TTC23: variants seen among roughly 807,000 people sequenced by gnomAD.
The protein encoded by TTC23 is tetratricopeptide repeat protein 23.
In TTC23, 58 loss-of-function variants were observed where a neutral mutation model predicts 55.1. That is an observed-to-expected ratio of 1.05 (90% CI 0.85 to 1.31). The LOEUF is 1.31. TTC23 is among the 50% of genes most tolerant of loss of function. The probability of loss-of-function intolerance (pLI) is 0.00; values close to 1 mark genes in which losing one functional copy is unlikely to be tolerated. For synonymous variants in TTC23, 203 were observed against 199.9 expected (o/e 1.02, Z -0.13); for missense variants, 516 against 534.4 (o/e 0.97, Z 0.34).
At chr15:99,229,076 G>T (rs560912695) in intron 4 of TTC23, among the ~76,000 whole-genome samples, 14 of 148,496 alleles carry the variant, frequency 9.4e-5, no homozygotes, top group Admixed American at 2.1e-4. Flanking sequence ...ATATGTATTT[G>T]TATGTACATA....
intron 9 of TTC23, among the ~76,000 whole-genome samples, chr15:99,190,135 G>A (rs1360788162): frequency 6.6e-6 from 1 of 151,944 alleles, no homozygotes; most frequent in African/African-American, 2.4e-5. Flanking sequence ...AGCTGTGTTT[G>A]CGCCGCTACA....
chr15:99,139,077 T>C, intron 13 of TTC23: 1 of 576,440 alleles, frequency 1.7e-6, no homozygotes, highest in South Asian at 1.8e-5. Context: ...GGGGCTGGTC[T>C]GCAGGAAGAC....
intron 6 of TTC23, among the ~76,000 whole-genome samples, chr15:99,219,349 T>C (rs968716838): frequency 3.3e-5 from 5 of 152,154 alleles, no homozygotes; most frequent in Non-Finnish European, 2.9e-5. Context: ...CATATAATTA[T>C]AAGAAACAAA....
At chr15:99,197,138 C>T (rs1233142823) in intron 9 of TTC23, among the ~76,000 whole-genome samples, 6 of 151,556 alleles carry the variant, frequency 4.0e-5, no homozygotes, top group Non-Finnish European at 7.4e-5. Flanking sequence ...AGTCACGCTC[C>T]AACGCCCAGG....
chr15:99,139,813 G>T (rs920949359), intron 12 of TTC23: 3 of 1,179,134 alleles, frequency 2.5e-6, no homozygotes, highest in Admixed American at 2.5e-5. Flanking sequence ...TTAATATATA[G>T]GCTGTCTATA....
chr15:99,169,088 C>T (rs940286324), intron 10 of TTC23, among the ~76,000 whole-genome samples: 2 of 152,208 alleles, frequency 1.3e-5, no homozygotes. Context: ...TTCTCTGGGC[C>T]TCAGCCTCAC....
chr15:99,237,117 G>C (rs1351439722), intron 3 of TTC23, among the ~76,000 whole-genome samples: 2 of 151,970 alleles, frequency 1.3e-5, no homozygotes. Context: ...GAGTAGCTGG[G>C]ATTACAGGCG....
intron 9 of TTC23, among the ~76,000 whole-genome samples, chr15:99,177,313 A>G (rs2151937127): frequency 6.6e-6 from 1 of 152,372 alleles, no homozygotes; most frequent in East Asian, 1.9e-4. Context: ...TTCTTATTAC[A>G]GAATATAAAG....
In TTC23 at chr15:99,200,121, T is replaced by G. The variant is rs753005222; in HGVS notation, c.582-25A>C. ...CCTAAAAAAATCAAAGGAATTATTTTATTTAATAATTAAAATAGAAAATAC... is the reference window on the plus strand; with the variant it reads ...CCTAAAAAAATCAAAGGAATTATTTGATTTAATAATTAAAATAGAAAATAC... On this transcript the variant is annotated intron_variant, in intron 8 of 13. Transcript: ENST00000394132. The G allele has an allele frequency of 2.6e-6, 4 of 1,524,396 alleles. No homozygotes were observed. In the East Asian group the frequency reaches 9.7e-5, roughly 37 times the overall value. The allele number at this position is 1,524,396 out of a possible 1,614,324, so 94.4% of individuals were successfully genotyped here.
At chr15:99,229,914 G>T (rs1175277468) in intron 4 of TTC23, among the ~76,000 whole-genome samples, 3 of 152,082 alleles carry the variant, frequency 2.0e-5, no homozygotes, top group African/African-American at 7.2e-5. Flanking sequence ...GACCTAAAAG[G>T]ATCAAACTGT....
intron 12 of TTC23, among the ~76,000 whole-genome samples, chr15:99,142,252 T>A (rs1596195298): frequency 6.6e-6 from 1 of 152,136 alleles, no homozygotes; most frequent in Non-Finnish European, 1.5e-5. Flanking sequence ...GAGGAGGTGG[T>A]GCTCAGAAAG....
At chr15:99,221,204 CA>C (rs1451635428) in intron 6 of TTC23, among the ~76,000 whole-genome samples, 1 of 152,162 alleles carries the variant, frequency 6.6e-6, no homozygotes, top group African/African-American at 2.4e-5. Context: ...CCAAGAAAAA[CA>C]GAGCCAAGCA....
At chr15:99,231,541 G>C (rs2078934122) in intron 4 of TTC23, among the ~76,000 whole-genome samples, 1 of 152,212 alleles carries the variant, frequency 6.6e-6, no homozygotes, top group Non-Finnish European at 1.5e-5. Context: ...GCCCAGGCTG[G>C]AGTGCAGTTG....
At chr15:99,207,891 C>T (rs140079150) in intron 8 of TTC23, among the ~76,000 whole-genome samples, 17 of 152,082 alleles carry the variant, frequency 1.1e-4, no homozygotes, top group South Asian at 2.1e-4. Flanking sequence ...TGTTAGAAAG[C>T]GTTTGGTAAA....
chr15:99,216,293 T>C (rs1461149283), intron 8 of TTC23, among the ~76,000 whole-genome samples: 1 of 152,162 alleles, frequency 6.6e-6, no homozygotes, highest in African/African-American at 2.4e-5. Context: ...AGAGTTAAAG[T>C]AGGTCTTGGA....
At chr15:99,172,206 C>T (rs192397651) in intron 10 of TTC23, among the ~76,000 whole-genome samples, 271 of 151,294 alleles carry the variant, frequency 1.8e-3, no homozygotes, top group Admixed American at 3.2e-3. Context: ...TCAGTAGAGA[C>T]GGGGTTTCAT....
Position 99,222,821 on chromosome 15 carries a change from C to G in TTC23, c.181-957G>C, listed in dbSNP as rs528018516. Among the ~76,000 whole-genome samples, 9 of 152,162 alleles carry G rather than the reference C, an allele frequency of 5.9e-5. No individual in the cohort carries two copies. The East Asian group carries it at 1.6e-3, about 26-fold the overall frequency. On this transcript the variant is annotated intron_variant, in intron 5 of 13. Transcript: ENST00000394132. ...GACCATCCTGGCTAACATGGTGAAA[C>G]CCCATCTCTACTAAAAATACAAAAA...
chr15:99,164,343 G>C (rs1596342130), intron 10 of TTC23, among the ~76,000 whole-genome samples: 1 of 152,314 alleles, frequency 6.6e-6, no homozygotes, highest in Non-Finnish European at 1.5e-5. Flanking sequence ...TACAAAAACA[G>C]GTGGTGAGCA....
intron 9 of TTC23, among the ~76,000 whole-genome samples, chr15:99,198,118 G>A (rs1252050058): frequency 6.6e-6 from 1 of 151,940 alleles, no homozygotes; most frequent in Non-Finnish European, 1.5e-5. Flanking sequence ...CCTCTCCCAG[G>A]GCAATCACTG....
Sources: allele counts gnomAD v4.1 joint callset (sites outside exome capture counted in the v4.1 genomes callset), GRCh38; gene constraint gnomAD v4.1.1; transcripts MANE v1.5; gene names NCBI Gene and HGNC (gene_info 2026-07-23, HGNC 2026-07-21).